PRMT8: variants seen among roughly 807,000 people sequenced by gnomAD.
The protein encoded by PRMT8 is protein arginine N-methyltransferase 8.
Under a neutral mutation model 47.1 loss-of-function variants are expected in PRMT8, and 7 were observed. That is an observed-to-expected ratio of 0.15 (90% CI 0.08 to 0.28). The LOEUF (loss-of-function observed/expected upper bound fraction) is 0.28. Ranked by LOEUF, PRMT8 falls within the 10% of genes least tolerant of loss-of-function variation. PRMT8 has a pLI of 1.00. For synonymous variants in PRMT8, 188 were observed against 186.5 expected (o/e 1.01, Z -0.07); for missense variants, 237 against 505.4 (o/e 0.47, Z 5.09).
rs77461017 is a variant in PRMT8 at position 3,538,239 on chromosome 12, A to T, written c.76-2367A>T. 2,138 of 157,180 alleles carry T rather than the reference A, an allele frequency of 0.014. 58 individuals are homozygous for T. The highest frequency in any genetic ancestry group is 0.047 in the African/African-American group (1,972 of 41,720). The allele number at this position is 157,180 out of a possible 1,614,324, so 9.7% of individuals were successfully genotyped here. ...ATTCTCTTTCCTGTGAACCTCCAGAACAATTTGCTTGAACTTCTCTTGTAG... is the reference window on the plus strand; with the variant it reads ...ATTCTCTTTCCTGTGAACCTCCAGATCAATTTGCTTGAACTTCTCTTGTAG... On this transcript the variant is annotated intron_variant, in intron 1 of 9. Transcript: ENST00000382622. This position sits in a 1 kb window ranked among gnomAD's most constrained non-coding sequence, Gnocchi z 4.6.
chr12:3,523,192 A>C (rs1403475205), intron 1 of PRMT8, among the ~76,000 whole-genome samples: 1 of 152,212 alleles, frequency 6.6e-6, no homozygotes, highest in African/African-American at 2.4e-5. Context: ...GTGCTAGCTG[A>C]AATGGGGTCT....
intron 1 of PRMT8, among the ~76,000 whole-genome samples, chr12:3,458,728 C>T (rs1365442647): frequency 1.3e-5 from 2 of 152,188 alleles, no homozygotes; most frequent in Non-Finnish European, 2.9e-5. Flanking sequence ...TCAATGTCTG[C>T]TCTAACTGGC....
At chr12:3,512,712 G>A (rs1043660825) in intron 1 of PRMT8, among the ~76,000 whole-genome samples, 15 of 152,236 alleles carry the variant, frequency 9.9e-5, no homozygotes, top group East Asian at 3.9e-4. Flanking sequence ...CTCTTGCTCC[G>A]TGCCTGTCTC....
At chr12:3,449,420 A>G (rs1591552987) in intron 1 of PRMT8, among the ~76,000 whole-genome samples, 1 of 152,036 alleles carries the variant, frequency 6.6e-6, no homozygotes, top group East Asian at 1.9e-4. Context: ...CTTTTTAATA[A>G]TTTCCATTCT....
upstream of PRMT8, among the ~76,000 whole-genome samples, chr12:3,488,552 A>G (rs1865343601): frequency 6.6e-6 from 1 of 152,208 alleles, no homozygotes. Context: ...CTGTACCTGT[A>G]AAAGCATCCA....
At chr12:3,505,125 C>T (rs900849723) in intron 1 of PRMT8, among the ~76,000 whole-genome samples, 37 of 149,044 alleles carry the variant, frequency 2.5e-4, no homozygotes, top group Middle Eastern at 3.4e-3. Context: ...GAGATGAACC[C>T]GGTACCTCAG....
intron 1 of PRMT8, among the ~76,000 whole-genome samples, chr12:3,403,651 G>A (rs1450561697): frequency 3.3e-5 from 5 of 151,898 alleles, no homozygotes; most frequent in African/African-American, 1.2e-4. Flanking sequence ...AGGCTGAGGC[G>A]GCAGATCACT....
chr12:3,519,439 G>C (rs1448446708), intron 1 of PRMT8, among the ~76,000 whole-genome samples: 1 of 152,200 alleles, frequency 6.6e-6, no homozygotes, highest in Admixed American at 6.5e-5. Context: ...AAAGGATGCA[G>C]TGTGGCCACT....
intron 1 of PRMT8, among the ~76,000 whole-genome samples, chr12:3,412,891 G>A (rs990698441): frequency 6.6e-6 from 1 of 152,166 alleles, no homozygotes; most frequent in Non-Finnish European, 1.5e-5. Flanking sequence ...GGGATTACAG[G>A]TGTGAGCCAC....
intron 1 of PRMT8, among the ~76,000 whole-genome samples, chr12:3,387,050 G>A (rs559257649): frequency 2.4e-4 from 36 of 152,208 alleles, no homozygotes; most frequent in Non-Finnish European, 3.8e-4. Context: ...TAGGCTATGA[G>A]CCCTTCAAGC....
chr12:3,468,497 A>G (rs1341095359), intron 1 of PRMT8, among the ~76,000 whole-genome samples: 2 of 152,188 alleles, frequency 1.3e-5, no homozygotes, highest in African/African-American at 4.8e-5. Flanking sequence ...AAGGTCCAGT[A>G]CCCACGCCAG....
rs1488009105 is a variant in PRMT8, at chr12:3,557,863, G to A, written c.481+4149G>A. Among the ~76,000 whole-genome samples, 1 of 152,086 alleles carries A rather than the reference G, an allele frequency of 6.6e-6. No individual in the cohort carries two copies. The highest frequency in any genetic ancestry group is 2.4e-5 in the African/African-American group (1 of 41,402). ...CAGCAGGATCAGATGTCCTCTCAGT[G>A]GTCCTGAGTCTCATCCCTGAGCCCT... On this transcript the variant is annotated intron_variant, in intron 4 of 9. Transcript: ENST00000382622. The surrounding 1 kb of genome is among the most constrained non-coding windows in gnomAD (Gnocchi z 4.7).
chr12:3,552,360 C>T lies in PRMT8; in HGVS notation c.418-1291C>T, dbSNP rs555704774. On this transcript the variant is annotated intron_variant, in intron 3 of 9. Transcript: ENST00000382622. This position sits in a 1 kb window ranked among gnomAD's most constrained non-coding sequence, Gnocchi z 4.5. Reference sequence around the variant, plus strand: ...CGCACTCTGAGTGTTGAGCAAGCTTCGGCTGAGTTTACCCTCACACACTCA... The same window carrying T: ...CGCACTCTGAGTGTTGAGCAAGCTTTGGCTGAGTTTACCCTCACACACTCA... The T allele has an allele frequency of 1.4e-3, 239 of 165,524 alleles. 1 individual carries two copies. The highest frequency in any genetic ancestry group is 8.5e-3 in the Middle Eastern group (3 of 352). The allele number at this position is 165,524 out of a possible 1,614,324, so 10.3% of individuals were successfully genotyped here.
chr12:3,395,098 C>G (rs1011074200), intron 1 of PRMT8, among the ~76,000 whole-genome samples: 1 of 149,404 alleles, frequency 6.7e-6, no homozygotes, highest in African/African-American at 2.5e-5. Flanking sequence ...TGATTCTTCT[C>G]GCTTTTTTTC....
chr12:3,487,339 A>T, upstream of PRMT8, among the ~76,000 whole-genome samples: 1 of 70,006 alleles, frequency 1.4e-5, no homozygotes, highest in Non-Finnish European at 2.7e-5. Context: ...GAGATTTCCC[A>T]GGCAGCATGG....
intron 1 of PRMT8, among the ~76,000 whole-genome samples, chr12:3,505,318 A>G (rs1015754590): frequency 3.3e-5 from 5 of 152,214 alleles, no homozygotes; most frequent in African/African-American, 1.2e-4. Context: ...AATTCAACCC[A>G]TGATGTTACT....
At chr12:3,548,994 G>A (rs1405341158) in intron 2 of PRMT8, among the ~76,000 whole-genome samples, 9 of 152,048 alleles carry the variant, frequency 5.9e-5, no homozygotes, top group Admixed American at 2.6e-4. Context: ...AACAAACCTC[G>A]GATCTGTGTA....
intron 4 of PRMT8, among the ~76,000 whole-genome samples, chr12:3,555,405 A>C (rs1866508256): frequency 6.6e-6 from 1 of 152,222 alleles, no homozygotes; most frequent in Admixed American, 6.5e-5. Flanking sequence ...AGTTACAGCC[A>C]GTACAAAGGC....
intron 1 of PRMT8, among the ~76,000 whole-genome samples, chr12:3,397,746 G>T (rs1308572571): frequency 6.6e-6 from 1 of 152,052 alleles, no homozygotes; most frequent in Non-Finnish European, 1.5e-5. Context: ...CCCCCAGTTC[G>T]TGCTTCCCGG....
Sources: gnomAD v4.1 joint callset for allele counts (sites outside exome capture counted in the v4.1 genomes callset) on GRCh38, gnomAD v4.1.1 for gene constraint, Gnocchi (gnomAD v3.1) non-coding constraint, MANE v1.5 for transcripts, NCBI Gene and HGNC (gene_info 2026-07-23, HGNC 2026-07-21) for gene names.